The following SDK2 variants were observed in gnomAD, a reference collection of about 807,000 sequenced individuals.
SDK2 encodes the protein protein sidekick-2.
SDK2 carries 105 observed loss-of-function variants against 253.9 expected under a neutral mutation model. That is an observed-to-expected ratio of 0.41 (90% CI 0.35 to 0.49). The LOEUF (loss-of-function observed/expected upper bound fraction) is 0.49, where lower values mean the gene tolerates loss of function less well. Ranked by LOEUF, SDK2 falls within the 20% of genes least tolerant of loss-of-function variation. The pLI is 0.06. For missense variants in SDK2, 2,608 were observed against 3,003.0 expected, an observed-to-expected ratio of 0.87 and a Z score of 3.07; for synonymous variants, 1,249 against 1,234.9, an observed-to-expected ratio of 1.01 and a Z score of -0.24.
At chr17:73,390,977 A>T (rs2062923508) in intron 28 of SDK2, among the ~76,000 whole-genome samples, 2 of 152,204 alleles carry the variant, frequency 1.3e-5, no homozygotes, top group Non-Finnish European at 2.9e-5. Flanking sequence ...AGAGGGGAGT[A>T]GACTTGCTCA....
At chr17:73,512,209 G>A (rs1430052539) in intron 1 of SDK2, among the ~76,000 whole-genome samples, 3 of 152,164 alleles carry the variant, frequency 2.0e-5, no homozygotes, top group Non-Finnish European at 4.4e-5. Flanking sequence ...AGATGTGTTT[G>A]CTTTGAAGAT....
In SDK2 at chr17:73,502,079, G is replaced by GCA. The variant is rs752488520; in HGVS notation, c.224+5357_224+5358dup. On this transcript the variant is annotated intron_variant, in intron 2 of 44. Transcript: ENST00000392650. ...GTGCACAGGCTTGCCTTTGTGTAGT[G>GCA]CACATACACACACACACACACACAC... Among the ~76,000 whole-genome samples the GCA allele has an allele frequency of 2.0e-4, 29 of 147,520 alleles. 1 individual carries two copies. The South Asian group carries it at 3.0e-3, about 15-fold the overall frequency.
chr17:73,445,284 A>G (rs2063445465), intron 5 of SDK2, among the ~76,000 whole-genome samples: 1 of 152,262 alleles, frequency 6.6e-6, no homozygotes, highest in Admixed American at 6.5e-5. Flanking sequence ...AAAATAGAGT[A>G]ATAAAATGAA....
At chr17:73,341,722 C>G (rs1475491504) in intron 44 of SDK2, among the ~76,000 whole-genome samples, 1 of 152,182 alleles carries the variant, frequency 6.6e-6, no homozygotes, top group Admixed American at 6.5e-5. Context: ...GGCTTGTTCT[C>G]AGGAACTCGG....
At chr17:73,483,708 T>TATATATATA (rs1491188790) in intron 2 of SDK2, among the ~76,000 whole-genome samples, 2 of 43,634 alleles carry the variant, frequency 4.6e-5, no homozygotes, top group Admixed American at 2.5e-4. Flanking sequence ...TATATATATA[T>TATATATATA]TTTTTTTTTT....
intron 18 of SDK2, among the ~76,000 whole-genome samples, chr17:73,405,318 T>C (rs150113722): frequency 0.039 from 4,940 of 125,084 alleles, 171 homozygotes; most frequent in East Asian, 0.085. Context: ...CTGGCGCCTG[T>C]AATCCCAGCT....
chr17:73,619,752 G>T (rs1041478606), intron 1 of SDK2, among the ~76,000 whole-genome samples: 1 of 152,118 alleles, frequency 6.6e-6, no homozygotes, highest in Admixed American at 6.5e-5. Context: ...AAAATCTTTT[G>T]TGTATCAAAG....
intron 1 of SDK2, among the ~76,000 whole-genome samples, chr17:73,640,226 T>G (rs769585602): frequency 6.7e-6 from 1 of 149,442 alleles, no homozygotes; most frequent in Non-Finnish European, 1.5e-5. Flanking sequence ...TCGATAAATA[T>G]TTGCCGAACA....
At chr17:73,615,099 A>G (rs183299013) in intron 1 of SDK2, among the ~76,000 whole-genome samples, 57 of 151,940 alleles carry the variant, frequency 3.8e-4, no homozygotes, top group Non-Finnish European at 1.0e-4. Flanking sequence ...TATTTTTCTC[A>G]TTGTCCTTGT....
At chr17:73,585,135 T>G (rs1211474709) in intron 1 of SDK2, among the ~76,000 whole-genome samples, 1 of 152,212 alleles carries the variant, frequency 6.6e-6, no homozygotes. Context: ...AAAGTGGTGC[T>G]GATCCTGTTG....
At chr17:73,359,938 G>A (rs1362318219) in intron 39 of SDK2, among the ~76,000 whole-genome samples, 2 of 152,072 alleles carry the variant, frequency 1.3e-5, no homozygotes, top group South Asian at 2.1e-4. Flanking sequence ...CCCCACACCC[G>A]GCTGGTTCTT....
intron 36 of SDK2, among the ~76,000 whole-genome samples, chr17:73,377,208 C>T (rs1599499519): frequency 6.7e-6 from 1 of 150,090 alleles, no homozygotes; most frequent in Non-Finnish European, 1.5e-5. Context: ...CAGACACATT[C>T]CTTTTTTTTT....
chr17:73,615,061 CAGTA>C (rs1485182739), intron 1 of SDK2, among the ~76,000 whole-genome samples: 13 of 151,224 alleles, frequency 8.6e-5, no homozygotes, highest in Admixed American at 3.3e-4. Context: ...AGAAAGTGCT[CAGTA>C]AGTGTCAGCC....
intron 39 of SDK2, among the ~76,000 whole-genome samples, chr17:73,359,513 C>T (rs948725757): frequency 5.9e-5 from 9 of 152,188 alleles, no homozygotes; most frequent in African/African-American, 1.9e-4. Context: ...CTGCACAGGA[C>T]AGTACTCAGG....
intron 4 of SDK2, among the ~76,000 whole-genome samples, chr17:73,448,472 C>T (rs982504321): frequency 9.2e-5 from 14 of 151,968 alleles, no homozygotes; most frequent in Admixed American, 8.5e-4. Flanking sequence ...TCAAGCGATT[C>T]TCCTGCCTCA....
rs542637891 is a variant in SDK2, at chr17:73,370,675, AG to A, written c.4981-2083del. ...CAGGTTCAAGCAATCCTCCCGCCTC[AG>A]CCCCCCAGGTAGCTCTGACTACATG... is the stretch of plus-strand genomic sequence containing the variant. On this transcript the variant is annotated intron_variant, in intron 36 of 44. Transcript: ENST00000392650. 1.1e-3 allele frequency among the ~76,000 whole-genome samples: 170 copies of A among 152,196 alleles called. 2 individuals are homozygous for A. Among genetic ancestry groups the A allele is most frequent in the African/African-American group, 3.9e-3 (162 of 41,534 alleles).
chr17:73,636,702 A>AAAG (rs1555612505), intron 1 of SDK2, among the ~76,000 whole-genome samples: 118 of 99,886 alleles, frequency 1.2e-3, no homozygotes, highest in African/African-American at 4.7e-3. Context: ...AAAAAAAAAA[A>AAAG]AAAAGAAAAG....
At position 73,629,300 on chromosome 17, in the gene SDK2, C is replaced by A. The variant is rs890919247; in HGVS notation, c.64+14725G>T. ...GGGAAGAAAGACCACAAGCCCCAGA[C>A]GCATCTGCCTGTCCCACATGTGCTT... On this transcript the variant is annotated intron_variant, in intron 1 of 44. Coordinates refer to ENST00000392650, the MANE Select transcript of SDK2 (RefSeq NM_001144952.2). This position sits in a 1 kb window ranked among gnomAD's most constrained non-coding sequence, Gnocchi z 5.0. Among the ~76,000 whole-genome samples the A allele has an allele frequency of 6.6e-6, 1 of 152,188 alleles. No individual in the cohort carries two copies.
At position 73,465,233 on chromosome 17, in the gene SDK2, GGCT is replaced by G. The variant is rs1373122394; in HGVS notation, c.331+6876_331+6878del. 6.7e-6 allele frequency among the ~76,000 whole-genome samples: 1 copy of G among 150,258 alleles called. No homozygotes were observed. The highest frequency in any genetic ancestry group is 1.5e-5 in the Non-Finnish European group (1 of 67,750). On this transcript the variant is annotated intron_variant, in intron 3 of 44. Transcript: ENST00000392650. The surrounding 1 kb of genome is among the most constrained non-coding windows in gnomAD (Gnocchi z 4.2). Reference sequence around the variant, plus strand: ...CCCTCCAATTGTCTTTTGTAGGAGTGGCTGCTAAGCTGCTTGGTAGGAAGGAAG... The same window carrying G: ...CCCTCCAATTGTCTTTTGTAGGAGTGGCTAAGCTGCTTGGTAGGAAGGAAG...
Sources: allele counts gnomAD v4.1 joint callset (sites outside exome capture counted in the v4.1 genomes callset), GRCh38; gene constraint gnomAD v4.1.1; non-coding constraint Gnocchi (gnomAD v3.1); transcripts MANE v1.5; gene names NCBI Gene and HGNC (gene_info 2026-07-23, HGNC 2026-07-21).